ZNF17: variants seen among roughly 807,000 people sequenced by gnomAD.
ZNF17 encodes the protein zinc finger protein 17, also known as zinc finger protein 17 (HPF3, KOX 10).
A neutral mutation model predicts 7.7 loss-of-function variants in ZNF17; 4 were observed. The ratio of observed to expected loss-of-function variants is 0.52; its 90% CI spans 0.26 to 1.20. ZNF17 has a LOEUF of 1.20. ZNF17 is among the 50% of genes most tolerant of loss of function. The pLI, the probability that ZNF17 is intolerant of heterozygous loss-of-function variation, is 0.14. For synonymous variants in ZNF17, 249 were observed against 258.8 expected, an observed-to-expected ratio of 0.96 and a Z score of 0.36; for missense variants, 738 against 799.5, an observed-to-expected ratio of 0.92 and a Z score of 0.93.
chr19:57,421,257 A>C lies in ZNF17; in HGVS notation c.1771A>C (p.Lys591Gln). Residue 591 changes from lysine to glutamine, a missense_variant, in exon 4 of 4, where the codon AAA (lysine) becomes CAA (glutamine). By Grantham distance (53) the Lys-to-Gln change is moderately conservative (BLOSUM62 1). Coordinates refer to ENST00000307658, the MANE Select transcript of ZNF17 (RefSeq NM_001330617.2). Reference protein sequence around the residue: ...ERTYKCSKCGKFFMDSSTLIS... With the variant: ...ERTYKCSKCGQFFMDSSTLIS... ...AACTTACAAATGCAGCAAATGTGGGAAATTTTTTATGGACAGCTCCACACT... is the reference window on the plus strand; with the variant it reads ...AACTTACAAATGCAGCAAATGTGGGCAATTTTTTATGGACAGCTCCACACT... 6.2e-7 allele frequency: 1 copy of C among 1,614,100 alleles called. No individual in the cohort carries two copies. Among genetic ancestry groups the C allele is most frequent in the Non-Finnish European group, 8.5e-7 (1 of 1,180,000 alleles).
chr19:57,415,404 G>A (rs1392475612), intron 2 of ZNF17, among the ~76,000 whole-genome samples: 1 of 152,276 alleles, frequency 6.6e-6, no homozygotes, highest in East Asian at 1.9e-4. Flanking sequence ...CCAGAGACTC[G>A]AGTAGAGGTG....
chr19:57,419,668 C>T lies in ZNF17; in HGVS notation c.182C>T (p.Pro61Leu), dbSNP rs529335772. The T allele has an allele frequency of 2.0e-5, 32 of 1,613,790 alleles. No individual in the cohort carries two copies. Among genetic ancestry groups the T allele is most frequent in the Middle Eastern group, 1.7e-4 (1 of 6,060 alleles). Residue 61 changes from proline to leucine, a missense_variant, in exon 4 of 4, where the codon CCT becomes CTT. Pro to Leu is a moderately conservative substitution (Grantham distance 98, BLOSUM62 -3). This residue lies in a region of ZNF17 where 616 missense variants were observed against 663.9 expected (regional missense o/e 0.93). Transcript: ENST00000307658. Reference protein sequence around the residue: ...CWHGAKDEEAPSKQCVSVGVS... With the variant: ...CWHGAKDEEALSKQCVSVGVS... ...CATGGAGCCAAGGATGAGGAGGCAC[C>T]TTCCAAGCAATGTGTTTCTGTAGGA... is the stretch of plus-strand genomic sequence containing the variant.
At chr19:57,418,157 A>T (rs1473690937) in intron 3 of ZNF17, 119 bp downstream of exon 3, 1 of 1,345,804 alleles carries the variant, frequency 7.4e-7, no homozygotes, top group Admixed American at 2.2e-5. Context: ...GTTTCCTGGC[A>T]TATGTGTTGT....
chr19:57,418,022 A>G lies in ZNF17; in HGVS notation c.132A>G (p.Ala44=). The change falls in exon 3 of 4, where the codon GCA becomes GCG. Residue 44 remains alanine (A), a synonymous_variant. Transcript: ENST00000307658. ...LHSDVMLENF[A]LLSSVGCWHG... ...GCGATGTGATGCTGGAGAACTTTGC[A>G]CTTTTGTCCTCAGTAGGTAAGGCCC... The G allele has an allele frequency of 1.2e-6, 2 of 1,613,776 alleles. No homozygotes were observed. Among genetic ancestry groups the G allele is most frequent in the South Asian group, 2.2e-5 (2 of 90,980 alleles).
At chr19:57,413,302 A>T (rs1479394055) in intron 1 of ZNF17, 1 of 352,206 alleles carries the variant, frequency 2.8e-6, no homozygotes, top group African/African-American at 2.0e-5. Flanking sequence ...TGTACCGAAA[A>T]CATGTAAAAA....
At chr19:57,414,835 C>G (rs2088801733) in intron 2 of ZNF17, among the ~76,000 whole-genome samples, 1 of 152,126 alleles carries the variant, frequency 6.6e-6, no homozygotes, top group Non-Finnish European at 1.5e-5. Context: ...CTCAGCCTCC[C>G]AAGTAGCTGG....
chr19:57,418,010 G>A lies in ZNF17; in HGVS notation c.120G>A (p.Leu40=), dbSNP rs150351433. 6.5e-5 allele frequency: 105 copies of A among 1,614,056 alleles called. 1 individual carries two copies. In the African/African-American group the frequency reaches 1.2e-3, roughly 18 times the overall value. The part of the protein sequence containing the change: ...VQRHLHSDVM[L]ENFALLSSVG... ...GACACCTGCACAGCGATGTGATGCT[G>A]GAGAACTTTGCACTTTTGTCCTCAG... is the stretch of plus-strand genomic sequence containing the variant. The change falls in exon 3 of 4, where the codon CTG becomes CTA. Residue 40 remains leucine, a synonymous_variant. Coordinates refer to ENST00000307658, the MANE Select transcript of ZNF17 (RefSeq NM_001330617.2).
At chr19:57,418,150 T>C in intron 3 of ZNF17, 112 bp downstream of exon 3, 2 of 1,381,548 alleles carry the variant, frequency 1.4e-6, no homozygotes. Flanking sequence ...TCTCCTGGTT[T>C]CCTGGCATAT....
At position 57,417,977 on chromosome 19, in the gene ZNF17, C is replaced by T. The variant is rs766604599; in HGVS notation, c.87C>T (p.Asp29=). 147 of 1,613,898 alleles carry T rather than the reference C, an allele frequency of 9.1e-5. 1 individual carries two copies. The highest frequency in any genetic ancestry group is 3.7e-4 in the South Asian group (34 of 91,070). The change falls in exon 3 of 4, where the codon GAC becomes GAT. Residue 29 remains aspartate, a synonymous_variant. Coordinates refer to ENST00000307658, the MANE Select transcript of ZNF17 (RefSeq NM_001330617.2). ...AGGAGGAGTGGGGAATTCTTAATGA[C>T]GTTCAGAGACACCTGCACAGCGATG... ...FSQEEWGILN[D]VQRHLHSDVM...
intron 3 of ZNF17, 81 bp from the exon 4 acceptor site, chr19:57,419,554 A>C: frequency 7.0e-7 from 1 of 1,426,792 alleles, no homozygotes; most frequent in South Asian, 1.4e-5. Flanking sequence ...CTTATTTGTG[A>C]GTTGGTCTGA....
chr19:57,413,328 G>A lies in ZNF17; in HGVS notation c.-20-268G>A, dbSNP rs1200165407. The A allele has an allele frequency of 7.5e-6, 3 of 399,856 alleles. No individual in the cohort carries two copies. In the South Asian group the frequency reaches 2.8e-4, roughly 37 times the overall value. The allele number at this position is 399,856 out of a possible 1,614,324, so 24.8% of individuals were successfully genotyped here. A position where few individuals can be genotyped will look rare whatever the true frequency, so the allele number is the denominator to read the frequency against. On this transcript the variant is annotated intron_variant, in intron 1 of 3. Coordinates refer to ENST00000307658, the MANE Select transcript of ZNF17 (RefSeq NM_001330617.2). The stretch of plus-strand genomic sequence containing the variant: ...CATGTAAAAAATATTTAATCCAGTA[G>A]AAAGAAATTGCTGATACATAGTGTG...
Position 57,420,141 on chromosome 19 carries a change from C to A in ZNF17, c.655C>A (p.Pro219Thr). The change falls in exon 4 of 4, where the codon CCT becomes ACT. Residue 219 changes from proline (P) to threonine (T), a missense_variant. Around this residue, in one of 3 missense-constraint regions of ZNF17, gnomAD observed 616 missense variants for 663.9 expected, o/e 0.93. Coordinates refer to ENST00000307658, the MANE Select transcript of ZNF17 (RefSeq NM_001330617.2). Reference protein sequence around the residue: ...EHQKIHTEERPYECSECGKLF... With the variant: ...EHQKIHTEERTYECSECGKLF... ...CCAGAAAATCCACACAGAGGAAAGG[C>A]CTTATGAGTGCAGTGAATGTGGCAA... The A allele has an allele frequency of 6.2e-7, 1 of 1,614,192 alleles. No individual in the cohort carries two copies. The highest frequency in any genetic ancestry group is 8.5e-7 in the Non-Finnish European group (1 of 1,180,042).
chr19:57,417,697 A>G (rs1211339186), intron 2 of ZNF17, among the ~76,000 whole-genome samples: 1 of 152,136 alleles, frequency 6.6e-6, no homozygotes, highest in Non-Finnish European at 1.5e-5. Flanking sequence ...AAATACAAAA[A>G]TTAGCCAGTC....
In ZNF17 at chr19:57,421,631, G is replaced by A. The variant is rs971705914; in HGVS notation, c.*150G>A. 2.3e-6 allele frequency: 2 copies of A among 875,974 alleles called. No homozygotes were observed. Among genetic ancestry groups the A allele is most frequent in the Non-Finnish European group, 3.4e-6 (2 of 594,378 alleles). 54.3% of individuals were successfully genotyped at this position (875,974 alleles called of 1,614,324 possible). A position where few individuals can be genotyped will look rare whatever the true frequency, so the allele number is the denominator to read the frequency against. On this transcript the variant is annotated 3_prime_UTR_variant, in exon 4 of 4. Coordinates refer to ENST00000307658, the MANE Select transcript of ZNF17 (RefSeq NM_001330617.2). ...TAACCATGTTAAAGTGTATAGTTCA[G>A]TACTGTTAAGTCATTCACATTGTGC...
At chr19:57,412,117 G>T (rs748617895) in intron 1 of ZNF17, among the ~76,000 whole-genome samples, 6 of 152,258 alleles carry the variant, frequency 3.9e-5, no homozygotes, top group Non-Finnish European at 2.9e-5. Context: ...TCATAGGAGG[G>T]ATTCTGGCTC....
At chr19:57,416,887 C>A (rs2088814481) in intron 2 of ZNF17, among the ~76,000 whole-genome samples, 1 of 152,154 alleles carries the variant, frequency 6.6e-6, no homozygotes, top group Admixed American at 6.5e-5. Context: ...TGATCAGTGG[C>A]AATGAGGGGA....
In ZNF17 at chr19:57,413,601, A is replaced by G; in HGVS notation, c.-15A>G. The G allele has an allele frequency of 1.3e-6, 2 of 1,536,094 alleles. No individual in the cohort carries two copies. ...TGGCCTGCCTCTTCCCACAGGGTTC[A>G]TAGCAGTGGCAGCAATGCTTATGGA... On this transcript the variant is annotated 5_prime_UTR_variant, in exon 2 of 4. Coordinates refer to ENST00000307658, the MANE Select transcript of ZNF17 (RefSeq NM_001330617.2).
rs1482258198 is a variant in ZNF17 at position 57,420,182 on chromosome 19, C to A, written c.696C>A (p.Asn232Lys). ...CSECGKLFRY[N>K]SDLIKHQRNH... ...AATGTGGCAAATTGTTTAGGTACAA[C>A]TCCGACCTTATTAAACATCAGCGAA... Residue 232 changes from asparagine (N) to lysine (K), a missense_variant, in exon 4 of 4, where the codon AAC becomes AAA. Asn to Lys is a moderately conservative substitution (Grantham distance 94, BLOSUM62 0). Coordinates refer to ENST00000307658, the MANE Select transcript of ZNF17 (RefSeq NM_001330617.2). 1 of 1,612,960 alleles carries A rather than the reference C, an allele frequency of 6.2e-7. No homozygotes were observed. Among genetic ancestry groups the A allele is most frequent in the Non-Finnish European group, 8.5e-7 (1 of 1,179,148 alleles).
chr19:57,411,549 G>A, intron 1 of ZNF17, 143 bp downstream of exon 1: 1 of 1,443,122 alleles, frequency 6.9e-7, no homozygotes, highest in Non-Finnish European at 9.1e-7. Flanking sequence ...GTGCTGTGAG[G>A]CGGGGGAGCT....
Sources: gnomAD v4.1 joint callset for allele counts (sites outside exome capture counted in the v4.1 genomes callset) on GRCh38, gnomAD v4.1.1 for gene constraint, gnomAD v4.1.1 regional missense constraint, MANE v1.5 for transcripts, NCBI Gene and HGNC (gene_info 2026-07-23, HGNC 2026-07-21) for gene names.